The following TPP2 variants were observed in gnomAD, a reference collection of about 807,000 sequenced individuals.
TPP2 encodes tripeptidyl peptidase 2.
TPP2 carries 34 observed loss-of-function variants against 155.9 expected under a neutral mutation model. That is an observed-to-expected ratio of 0.22 (90% confidence interval 0.17 to 0.29). The LOEUF (loss-of-function observed/expected upper bound fraction) is 0.29, where lower values mean the gene tolerates loss of function less well. TPP2 is among the 10% of genes least tolerant of loss of function. TPP2 has a pLI of 1.00. For synonymous variants in TPP2, 510 were observed against 529.4 expected (o/e 0.96, Z 0.50); for missense variants, 1,028 against 1,522.3 (o/e 0.68, Z 5.40).
chr13:102,667,566 G>C (rs1884691041), intron 27 of TPP2, among the ~76,000 whole-genome samples: 1 of 152,178 alleles, frequency 6.6e-6, no homozygotes, highest in Admixed American at 6.5e-5. Flanking sequence ...ACTTTCACCT[G>C]AGTGGAAAAA....
chr13:102,646,046 T>G (rs1883076853), intron 19 of TPP2, among the ~76,000 whole-genome samples: 1 of 152,226 alleles, frequency 6.6e-6, no homozygotes, highest in South Asian at 2.1e-4. Context: ...TTGAAAATGT[T>G]TTTGCCATGA....
At chr13:102,602,165 G>A (rs979230111) in intron 1 of TPP2, among the ~76,000 whole-genome samples, 1 of 152,200 alleles carries the variant, frequency 6.6e-6, no homozygotes, top group South Asian at 2.1e-4. Flanking sequence ...TTTAAAATAG[G>A]TGATTTTCTT....
intron 27 of TPP2, among the ~76,000 whole-genome samples, chr13:102,668,947 A>C (rs1884790442): frequency 6.6e-6 from 1 of 151,924 alleles, no homozygotes; most frequent in South Asian, 2.1e-4. Flanking sequence ...CATTTTCTTC[A>C]TTTCTGGTAC....
At chr13:102,641,926 T>C (rs1882792312) in intron 16 of TPP2, among the ~76,000 whole-genome samples, 1 of 152,164 alleles carries the variant, frequency 6.6e-6, no homozygotes, top group Non-Finnish European at 1.5e-5. Flanking sequence ...AGGACCCTGC[T>C]TCCAGAGGCC....
At position 102,657,406 on chromosome 13, in the gene TPP2, T is replaced by C. The variant is rs1349861727; in HGVS notation, c.3143+199T>C. ...ATAAATATATAATTTTGTGATTAAATGTTTTAATTTTTATTTTAATCACTC... is the reference window on the plus strand; with the variant it reads ...ATAAATATATAATTTTGTGATTAAACGTTTTAATTTTTATTTTAATCACTC... On this transcript the variant is annotated intron_variant, in intron 25 of 29. Coordinates refer to ENST00000376052, the MANE Select transcript of TPP2 (RefSeq NM_001330588.2). Among the ~76,000 whole-genome samples the C allele has an allele frequency of 4.0e-5, 6 of 151,760 alleles. 1 individual carries two copies. Among genetic ancestry groups the C allele is most frequent in the Non-Finnish European group, 8.8e-5 (6 of 67,888 alleles).
intron 25 of TPP2, among the ~76,000 whole-genome samples, chr13:102,662,254 G>T (rs963657399): frequency 6.6e-6 from 1 of 152,176 alleles, no homozygotes; most frequent in African/African-American, 2.4e-5. Context: ...TTAGTGCTGG[G>T]GAGGCTGGGG....
In TPP2 at chr13:102,640,094, TC is replaced by T. The variant is rs1454766140; in HGVS notation, c.1914-175del. On this transcript the variant is annotated intron_variant, in intron 15 of 29. Transcript: ENST00000376052. ...TCTATACTCTGCTATTCAGAGGTTA[TC>T]TCTGCTAACCTACTGCAAAAATTGA... Among the ~76,000 whole-genome samples the T allele has an allele frequency of 7.7e-3, 1,167 of 152,176 alleles. 16 individuals carry two copies. Among genetic ancestry groups the T allele is most frequent in the African/African-American group, 0.026 (1,078 of 41,412 alleles).
chr13:102,619,421 T>C lies in TPP2; in HGVS notation c.620+575T>C, dbSNP rs2139453663. The stretch of plus-strand genomic sequence containing the variant: ...TAATACAGATATTTAGCCATATGTG[T>C]GCTTTAGGATTTCTGCAAAAAAAAA... On this transcript the variant is annotated intron_variant, in intron 5 of 29. Coordinates refer to ENST00000376052, the MANE Select transcript of TPP2 (RefSeq NM_001330588.2). Among the ~76,000 whole-genome samples, 2 of 150,446 alleles carry C rather than the reference T, an allele frequency of 1.3e-5. 1 individual carries two copies. The highest frequency in any genetic ancestry group is 4.2e-4 in the South Asian group (2 of 4,740).
chr13:102,612,324 G>A (rs187936336), intron 2 of TPP2, among the ~76,000 whole-genome samples: 31 of 152,246 alleles, frequency 2.0e-4, no homozygotes, highest in African/African-American at 4.6e-4. Flanking sequence ...CACTTAGCCC[G>A]TTAAGAAAAA....
At chr13:102,618,093 G>T (rs1210219431) in intron 4 of TPP2, among the ~76,000 whole-genome samples, 1 of 152,158 alleles carries the variant, frequency 6.6e-6, no homozygotes, top group African/African-American at 2.4e-5. Context: ...CTAGGTTAGA[G>T]AAATGTTTTG....
chr13:102,637,165 C>G lies in TPP2; in HGVS notation c.1762C>G (p.Leu588Val), dbSNP rs1882436658. The G allele has an allele frequency of 1.9e-6, 3 of 1,613,214 alleles. No individual in the cohort carries two copies. The highest frequency in any genetic ancestry group is 2.5e-6 in the Non-Finnish European group (3 of 1,179,862). Residue 588 changes from leucine to valine, a missense_variant, in exon 14 of 30, where the codon CTC (leucine) becomes GTC (valine). Leu to Val is a conservative substitution (Grantham distance 32, BLOSUM62 1). Transcript: ENST00000376052. ...SWVQCPSHLELMNQCRHINIR... is the reference protein window; with the variant it reads ...SWVQCPSHLEVMNQCRHINIR... ...GGTTCAGTGTCCCAGCCATTTGGAACTCATGAATCAATGTAGACACATAAA... is the reference window on the plus strand; with the variant it reads ...GGTTCAGTGTCCCAGCCATTTGGAAGTCATGAATCAATGTAGACACATAAA...
At chr13:102,620,396 T>C (rs1881067417) in intron 5 of TPP2, among the ~76,000 whole-genome samples, 1 of 152,232 alleles carries the variant, frequency 6.6e-6, no homozygotes, top group South Asian at 2.1e-4. Context: ...TTTCAGGTGG[T>C]ACTAGATATA....
chr13:102,610,529 T>C (rs9518797), intron 2 of TPP2, among the ~76,000 whole-genome samples: 38,322 of 152,104 alleles, frequency 0.25, 5,382 homozygotes, highest in East Asian at 0.45. Context: ...CGCGCCCAGC[T>C]GTCATGCTTT....
At chr13:102,612,878 CTT>C (rs1364047665) in intron 2 of TPP2, among the ~76,000 whole-genome samples, 3 of 152,114 alleles carry the variant, frequency 2.0e-5, no homozygotes, top group Non-Finnish European at 2.9e-5. Context: ...TTCATTTAAT[CTT>C]TTGGCATTTC....
intron 27 of TPP2, among the ~76,000 whole-genome samples, chr13:102,669,358 A>G (rs677173): frequency 0.66 from 100,956 of 152,016 alleles, 33,730 homozygotes; most frequent in Middle Eastern, 0.7. Context: ...TGTTCCACAT[A>G]TGACAAAATT....
intron 21 of TPP2, among the ~76,000 whole-genome samples, chr13:102,647,563 G>T (rs1446718702): frequency 6.6e-6 from 1 of 152,174 alleles, no homozygotes; most frequent in Non-Finnish European, 1.5e-5. Flanking sequence ...ATTAGAGGAG[G>T]ACAAGGGTGA....
At chr13:102,636,863 A>G (rs918322256) in intron 13 of TPP2, among the ~76,000 whole-genome samples, 1 of 152,208 alleles carries the variant, frequency 6.6e-6, no homozygotes. Context: ...TAAACTCTTT[A>G]TTTTAAGGTC....
chr13:102,657,964 T>G (rs886089265), intron 25 of TPP2, among the ~76,000 whole-genome samples: 5 of 152,224 alleles, frequency 3.3e-5, no homozygotes, highest in Non-Finnish European at 7.4e-5. Flanking sequence ...ATGTTATCAT[T>G]CGTTATTAGT....
Position 102,597,198 on chromosome 13 carries a change from A to G in TPP2, c.160A>G (p.Met54Val), listed in dbSNP as rs1167588785. The stretch of plus-strand genomic sequence containing the variant: ...GGGGGTCGACCCGGGGGCTCCGGGC[A>G]TGCAGGTGAGGCGGCCCCCGAGGGC... The part of the protein sequence containing the change: ...DTGVDPGAPG[M>V]QVTTDGKPKI... Residue 54 changes from methionine to valine, a missense_variant, in exon 1 of 30, where the codon ATG becomes GTG. This residue lies in a region of TPP2 where 300 missense variants were observed against 398.3 expected (regional missense o/e 0.75). Transcript: ENST00000376052. The G allele has an allele frequency of 1.4e-6, 2 of 1,473,658 alleles. No homozygotes were observed. Among genetic ancestry groups the G allele is most frequent in the Non-Finnish European group, 1.8e-6 (2 of 1,111,852 alleles). The allele number at this position is 1,473,658 out of a possible 1,614,324, so 91.3% of individuals were successfully genotyped here.
Sources: gnomAD v4.1 joint callset for allele counts (sites outside exome capture counted in the v4.1 genomes callset) on GRCh38, gnomAD v4.1.1 for gene constraint, gnomAD v4.1.1 regional missense constraint, MANE v1.5 for transcripts, NCBI Gene and HGNC (gene_info 2026-07-23, HGNC 2026-07-21) for gene names.